Variants in GALNTL5 observed in about 807,000 individuals in gnomAD.
GALNTL5 encodes polypeptide N-acetylgalactosaminyltransferase like 5.
A neutral mutation model predicts 51.0 loss-of-function variants in GALNTL5; 44 were observed. That is an observed-to-expected ratio of 0.86 (90% confidence interval 0.68 to 1.11). The LOEUF (loss-of-function observed/expected upper bound fraction) is 1.11, where lower values mean the gene tolerates loss of function less well. GALNTL5 is among the 50% of genes least tolerant of loss of function. The probability of loss-of-function intolerance (pLI) is 0.00; values close to 1 mark genes in which losing one functional copy is unlikely to be tolerated. For missense variants in GALNTL5, 528 were observed against 531.8 expected, an observed-to-expected ratio of 0.99 and a Z score of 0.07; for synonymous variants, 192 against 182.8, an observed-to-expected ratio of 1.05 and a Z score of -0.41.
chr7:151,959,984 C>T (rs1436827471), intron 1 of GALNTL5, among the ~76,000 whole-genome samples: 1 of 152,114 alleles, frequency 6.6e-6, no homozygotes, highest in Non-Finnish European at 1.5e-5. Flanking sequence ...GATAGAAGAC[C>T]AGCCAGGCTT....
chr7:152,003,766 T>C (rs2081610773), intron 6 of GALNTL5, among the ~76,000 whole-genome samples: 1 of 152,246 alleles, frequency 6.6e-6, no homozygotes, highest in African/African-American at 2.4e-5. Context: ...TAGTAAGAAA[T>C]AGCTATGGTG....
intron 4 of GALNTL5, chr7:151,984,057 A>T (rs974617147): frequency 2.6e-5 from 4 of 152,238 alleles, no homozygotes; most frequent in Non-Finnish European, 5.9e-5. Flanking sequence ...ACTTAAAAAA[A>T]GCAGGGCACG....
In GALNTL5 at chr7:152,014,693, G is replaced by C. The variant is rs945958408; in HGVS notation, c.1076G>C (p.Gly359Ala). 1.9e-6 allele frequency: 3 copies of C among 1,613,824 alleles called. No individual in the cohort carries two copies. Among genetic ancestry groups the C allele is most frequent in the Non-Finnish European group, 2.5e-6 (3 of 1,179,934 alleles). The change falls in exon 8 of 9, where the codon GGA becomes GCA. Residue 359 changes from glycine (G) to alanine (A), a missense_variant. By Grantham distance (60) the Gly-to-Ala change is moderately conservative. Transcript: ENST00000392800. ...TTTATAATCCCCTGCTCTCGAGTAGGACATATCAGTAAGAAACAAACTGGA... is the reference window on the plus strand; with the variant it reads ...TTTATAATCCCCTGCTCTCGAGTAGCACATATCAGTAAGAAACAAACTGGA... ...QLFIIPCSRVGHISKKQTGKP... is the reference protein window; with the variant it reads ...QLFIIPCSRVAHISKKQTGKP...
chr7:151,995,601 C>T (rs1351332130), intron 5 of GALNTL5, among the ~76,000 whole-genome samples: 1 of 151,552 alleles, frequency 6.6e-6, no homozygotes, highest in Non-Finnish European at 1.5e-5. Context: ...GCCTGATAAT[C>T]CAAATATGGG....
chr7:151,979,106 C>CCTTT (rs1554405638), intron 3 of GALNTL5, among the ~76,000 whole-genome samples: 6 of 71,160 alleles, frequency 8.4e-5, no homozygotes, highest in Non-Finnish European at 6.1e-5. Flanking sequence ...TACTTTTACT[C>CCTTT]TTTTTTTTTT....
At chr7:152,008,228 A>C (rs1210510355) in intron 7 of GALNTL5, among the ~76,000 whole-genome samples, 1 of 128,836 alleles carries the variant, frequency 7.8e-6, no homozygotes, top group Non-Finnish European at 1.7e-5. Flanking sequence ...AGCCTCAGCA[A>C]CATAGCAAGA....
In GALNTL5 at chr7:152,014,741, C is replaced by A. The variant is rs2081784250; in HGVS notation, c.1124C>A (p.Ala375Asp). ...GGAAAACCTTCTACAATCATCAGTG[C>A]TATGACACATAACTACCTAAGACTG... ...QTGKPSTIISAMTHNYLRLVH... is the reference protein window; with the variant it reads ...QTGKPSTIISDMTHNYLRLVH... Residue 375 changes from alanine (A) to aspartate (D), a missense_variant, in exon 8 of 9, where the codon GCT becomes GAT. Physicochemically the swap from Ala to Asp is moderately radical, Grantham distance 126. Coordinates refer to ENST00000392800, the MANE Select transcript of GALNTL5 (RefSeq NM_145292.4). The A allele has an allele frequency of 2.5e-6, 4 of 1,613,888 alleles. No homozygotes were observed. Among genetic ancestry groups the A allele is most frequent in the Non-Finnish European group, 3.4e-6 (4 of 1,179,888 alleles).
chr7:151,987,389 A>G lies in GALNTL5; in HGVS notation c.658+108A>G, dbSNP rs531646591. On this transcript the variant is annotated intron_variant, in intron 5 of 8. Transcript: ENST00000392800. ...CTTCTATGTCTGTGTCTGCTTCATC[A>G]GAAGAGTGGAAATCTATTCCAGCCA... The G allele has an allele frequency of 1.4e-4, 133 of 959,196 alleles. No individual in the cohort carries two copies. The African/African-American group carries it at 2.0e-3, about 15-fold the overall frequency. 59.4% of individuals were successfully genotyped at this position (959,196 alleles called of 1,614,324 possible). A position where few individuals can be genotyped will look rare whatever the true frequency, so the allele number is the denominator to read the frequency against.
rs563636704 is a variant in GALNTL5 at position 151,976,914 on chromosome 7, C to T, written c.368+5849C>T. On this transcript the variant is annotated intron_variant, in intron 3 of 8. Coordinates refer to ENST00000392800, the MANE Select transcript of GALNTL5 (RefSeq NM_145292.4). Reference sequence around the variant, plus strand: ...AACTCCTGACCTCAGGTGATCCAACCACCTTGGCCTCCCAAAGTGCTGGGA... The same window carrying T: ...AACTCCTGACCTCAGGTGATCCAACTACCTTGGCCTCCCAAAGTGCTGGGA... Among the ~76,000 whole-genome samples, 59 of 152,224 alleles carry T rather than the reference C, an allele frequency of 3.9e-4. 1 individual carries two copies. The highest frequency in any genetic ancestry group is 1.4e-3 in the African/African-American group (58 of 41,532).
chr7:151,967,668 T>C (rs2081077027), intron 2 of GALNTL5, among the ~76,000 whole-genome samples, 175 bp downstream of exon 2: 1 of 152,220 alleles, frequency 6.6e-6, no homozygotes, highest in Non-Finnish European at 1.5e-5. Context: ...AGTATGCATG[T>C]ATTTACCACT....
At chr7:152,009,725 C>G (rs972401793) in intron 7 of GALNTL5, among the ~76,000 whole-genome samples, 6 of 152,194 alleles carry the variant, frequency 3.9e-5, no homozygotes, top group African/African-American at 1.4e-4. Context: ...TAGGTCTACG[C>G]TCCCTGGACC....
chr7:152,007,415 T>C (rs1055681159), intron 6 of GALNTL5, among the ~76,000 whole-genome samples: 1,891 of 68,354 alleles, frequency 0.028, 35 homozygotes, highest in African/African-American at 0.072. Flanking sequence ...TGTTTTCTCT[T>C]TTTTTTTTTT....
chr7:152,009,453 T>C (rs1403727632), intron 7 of GALNTL5, among the ~76,000 whole-genome samples: 6 of 152,194 alleles, frequency 3.9e-5, no homozygotes, highest in African/African-American at 1.4e-4. Context: ...CTGGTTTGCC[T>C]TCCATTGCTC....
intron 1 of GALNTL5, among the ~76,000 whole-genome samples, chr7:151,963,136 T>C (rs1237409729): frequency 7.2e-5 from 11 of 152,190 alleles, no homozygotes; most frequent in Admixed American, 7.2e-4. Flanking sequence ...AGAAGTTTGA[T>C]GTCATTTTGA....
chr7:151,963,518 C>T (rs2081018740), intron 1 of GALNTL5, among the ~76,000 whole-genome samples: 1 of 152,230 alleles, frequency 6.6e-6, no homozygotes, highest in Non-Finnish European at 1.5e-5. Flanking sequence ...GTGCCTCAGC[C>T]TCCAGAGTAG....
chr7:151,970,184 G>A (rs1017868621), intron 2 of GALNTL5, among the ~76,000 whole-genome samples: 1 of 142,560 alleles, frequency 7.0e-6, no homozygotes, highest in Non-Finnish European at 1.5e-5. Context: ...TGGCCGCTGG[G>A]TGAAAGGGAA....
chr7:151,992,428 C>T (rs2081438947), intron 5 of GALNTL5, among the ~76,000 whole-genome samples: 1 of 152,158 alleles, frequency 6.6e-6, no homozygotes, highest in Non-Finnish European at 1.5e-5. Context: ...GACCTCACTC[C>T]TTCTGAGACC....
At chr7:151,990,700 CAT>C (rs1162788401) in intron 5 of GALNTL5, among the ~76,000 whole-genome samples, 1 of 151,224 alleles carries the variant, frequency 6.6e-6, no homozygotes, top group African/African-American at 2.4e-5. Context: ...GTGCAAGTAA[CAT>C]GTACCATTTC....
chr7:151,998,666 G>A (rs2081530549), intron 5 of GALNTL5, among the ~76,000 whole-genome samples: 2 of 151,958 alleles, frequency 1.3e-5, no homozygotes, highest in African/African-American at 4.8e-5. Context: ...CAGCTACTTG[G>A]GAGGCTGAAG....
Sources: allele counts gnomAD v4.1 joint callset (sites outside exome capture counted in the v4.1 genomes callset), GRCh38; gene constraint gnomAD v4.1.1; transcripts MANE v1.5; gene names NCBI Gene and HGNC (gene_info 2026-07-23, HGNC 2026-07-21).